The following PRKDC variants were observed in gnomAD, a reference collection of about 807,000 sequenced individuals.
PRKDC encodes the protein protein kinase, DNA-activated, catalytic subunit.
PRKDC carries 82 observed loss-of-function variants against 486.9 expected under a neutral mutation model. The observed-to-expected ratio is 0.17, with a 90% CI of 0.14 to 0.20. The LOEUF (loss-of-function observed/expected upper bound fraction) is 0.20, where lower values mean the gene tolerates loss of function less well. PRKDC is among the 10% of genes least tolerant of loss of function. The pLI is 1.00. For synonymous variants in PRKDC, 1,895 were observed against 1,837.0 expected (o/e 1.03, Z -0.81); for missense variants, 4,504 against 5,038.2 (o/e 0.89, Z 3.21).
chr8:47,930,810 G>C, intron 16 of PRKDC, 23 bp from the exon 17 acceptor site: 2 of 1,538,806 alleles, frequency 1.3e-6, no homozygotes. Context: ...TTGTAGCAAA[G>C]AAACATTGTA....
At chr8:47,899,248 A>G (rs139088903) in intron 28 of PRKDC, among the ~76,000 whole-genome samples, 4 of 152,390 alleles carry the variant, frequency 2.6e-5, no homozygotes, top group African/African-American at 7.2e-5. Flanking sequence ...AGATAAACAA[A>G]GCAAATTTAA....
chr8:47,803,515 T>TGATG (rs1563742884), intron 69 of PRKDC, 35 bp from the exon 70 acceptor site: 3 of 1,604,000 alleles, frequency 1.9e-6, no homozygotes, highest in Non-Finnish European at 2.6e-6. Flanking sequence ...GAAGGTGGTA[T>TGATG]GATGATACAC....
intron 84 of PRKDC, 72 bp from the exon 85 acceptor site, chr8:47,777,055 C>G: frequency 6.6e-7 from 1 of 1,509,542 alleles, no homozygotes; most frequent in Non-Finnish European, 8.9e-7. Context: ...CAGATTAAAT[C>G]TAGTAATGAT....
chr8:47,852,695 C>T lies in PRKDC; in HGVS notation c.6983G>A (p.Arg2328Gln), dbSNP rs369112706. The change falls in exon 52 of 86, where the codon CGA (arginine) becomes CAA (glutamine). Residue 2328 changes from arginine (R) to glutamine (Q), a missense_variant. Arg to Gln is a conservative substitution (Grantham distance 43). Transcript: ENST00000314191. ...AAAEVLGLIL[R>Q]YVMERKNILE... ...CACGTTTTTTCTCTCCATAACATAT[C>T]GAAGTATAAGTCCTAGAACTTCTGC... 1.6e-5 allele frequency: 25 copies of T among 1,572,902 alleles called. No individual in the cohort carries two copies. In the African/African-American group the frequency reaches 1.6e-4, roughly 10 times the overall value.
At chr8:47,781,234 G>A (rs574131710) in intron 80 of PRKDC, among the ~76,000 whole-genome samples, 5 of 152,320 alleles carry the variant, frequency 3.3e-5, no homozygotes, top group South Asian at 2.1e-4. Context: ...TCCAGGAAGC[G>A]TGCTCATCAG....
intron 67 of PRKDC, among the ~76,000 whole-genome samples, chr8:47,817,876 T>A (rs1360889018): frequency 1.3e-5 from 2 of 152,168 alleles, no homozygotes; most frequent in African/African-American, 2.4e-5. Context: ...TTTCATGGGG[T>A]TGAAGCAAAT....
chr8:47,956,943 A>G (rs1474745950), intron 3 of PRKDC, among the ~76,000 whole-genome samples: 2 of 148,480 alleles, frequency 1.3e-5, no homozygotes, highest in Non-Finnish European at 3.0e-5. Flanking sequence ...CTAAATCTAA[A>G]TAACTAATGG....
chr8:47,907,097 GGC>G (rs1159537767), intron 25 of PRKDC, among the ~76,000 whole-genome samples: 5 of 150,800 alleles, frequency 3.3e-5, no homozygotes, highest in East Asian at 3.9e-4. Flanking sequence ...GGAGTGCAGT[GGC>G]GCGCAGTCTC....
At position 47,913,928 on chromosome 8, in the gene PRKDC, C is replaced by A. The variant is rs748858597; in HGVS notation, c.2754G>T (p.Ala918=). ...DVFLPRVTEL[A]LTASDRQTKV... ...TAGTTTGTCTGTCACTGGCTGTGAG[C>A]GCTAATTCTGTGACTCGAGGCAGGA... The change falls in exon 24 of 86, where the codon GCG becomes GCT. Residue 918 remains alanine (A), a synonymous_variant. Coordinates refer to ENST00000314191, the MANE Select transcript of PRKDC (RefSeq NM_006904.7). 5.0e-6 allele frequency: 8 copies of A among 1,609,574 alleles called. No homozygotes were observed. The highest frequency in any genetic ancestry group is 6.8e-6 in the Non-Finnish European group (8 of 1,177,868).
intron 13 of PRKDC, among the ~76,000 whole-genome samples, 159 bp downstream of exon 13, chr8:47,935,573 G>A (rs1321460788): frequency 6.6e-6 from 1 of 151,736 alleles, no homozygotes; most frequent in East Asian, 1.9e-4. Context: ...GAGGTAATAG[G>A]ATGAAAAAAA....
At chr8:47,844,220 A>G (rs1030433006) in intron 54 of PRKDC, among the ~76,000 whole-genome samples, 1 of 152,280 alleles carries the variant, frequency 6.6e-6, no homozygotes, top group African/African-American at 2.4e-5. Context: ...ACAAAAACAG[A>G]AAATGAAAAA....
At chr8:47,928,530 C>G (rs1295653688) in intron 19 of PRKDC, among the ~76,000 whole-genome samples, 1 of 151,654 alleles carries the variant, frequency 6.6e-6, no homozygotes, top group Non-Finnish European at 1.5e-5. Flanking sequence ...TTAGCAAACA[C>G]ATTTTTATTT....
At position 47,914,055 on chromosome 8, in the gene PRKDC, G is replaced by A; in HGVS notation, c.2627C>T (p.Ser876Leu). ...CACATAGCTCTTCATCATCTCATCT[G>A]AGGACGTGACTGTTAGAAAAGATTT... ...INKNLLTVTSSDEMMKSYVAW... is the reference protein window; with the variant it reads ...INKNLLTVTSLDEMMKSYVAW... The change falls in exon 24 of 86, where the codon TCA (serine) becomes TTA (leucine). Residue 876 changes from serine (S) to leucine (L), a missense_variant. By Grantham distance (145) the Ser-to-Leu change is moderately radical. This residue lies in a region of PRKDC where 1,969 missense variants were observed against 2,068.9 expected (regional missense o/e 0.95). Coordinates refer to ENST00000314191, the MANE Select transcript of PRKDC (RefSeq NM_006904.7). The A allele has an allele frequency of 6.6e-7, 1 of 1,514,792 alleles. No homozygotes were observed. The highest frequency in any genetic ancestry group is 8.8e-7 in the Non-Finnish European group (1 of 1,130,462). 93.8% of individuals were successfully genotyped at this position (1,514,792 alleles called of 1,614,324 possible).
chr8:47,820,775 C>T lies in PRKDC; in HGVS notation c.9280G>A (p.Asp3094Asn). Residue 3094 changes from aspartate to asparagine, a missense_variant, in exon 66 of 86, where the codon GAT becomes AAT. Asp to Asn is a conservative substitution (Grantham distance 23, BLOSUM62 1). Transcript: ENST00000314191. ...QELSLLYLLQ[D>N]DVDRAKYYIQ... ...TAATATTTGGCTCTGTCAACATCAT[C>T]TTGCAGGAGGTAAAGCAGACTCAGC... 1 of 1,608,302 alleles carries T rather than the reference C, an allele frequency of 6.2e-7. No homozygotes were observed. Among genetic ancestry groups the T allele is most frequent in the Non-Finnish European group, 8.5e-7 (1 of 1,176,788 alleles).
intron 30 of PRKDC, among the ~76,000 whole-genome samples, chr8:47,895,895 C>T (rs1174566614): frequency 2.6e-5 from 4 of 151,976 alleles, no homozygotes; most frequent in Non-Finnish European, 4.4e-5. Flanking sequence ...AAAAATTAGC[C>T]GGGCGTGGTA....
intron 80 of PRKDC, chr8:47,779,317 T>C (rs955078288): frequency 2.4e-6 from 1 of 412,052 alleles, no homozygotes. Context: ...ATCCAAGCTA[T>C]TGCCTATGAA....
At chr8:47,879,834 CTTTTTTT>C (rs759336069) in intron 38 of PRKDC, among the ~76,000 whole-genome samples, 176 bp from the exon 39 acceptor site, 5 of 99,198 alleles carry the variant, frequency 5.0e-5, no homozygotes, top group African/African-American at 2.0e-4. Context: ...TATACCTCAG[CTTTTTTT>C]TTTTTTTTTT....
chr8:47,801,092 G>A, intron 70 of PRKDC, 106 bp from the exon 71 acceptor site: 1 of 1,154,028 alleles, frequency 8.7e-7, no homozygotes, highest in Non-Finnish European at 1.2e-6. Context: ...TTGTTTTTGG[G>A]ATAGGGTCTC....
At position 47,778,678 on chromosome 8, in the gene PRKDC, C is replaced by T. The variant is rs1281308347; in HGVS notation, c.11652-18G>A. 2 of 1,613,206 alleles carry T rather than the reference C, an allele frequency of 1.2e-6. No homozygotes were observed. Among genetic ancestry groups the T allele is most frequent in the East Asian group, 2.2e-5 (1 of 44,884 alleles). On this transcript the variant is annotated intron_variant, in intron 82 of 85. Coordinates refer to ENST00000314191, the MANE Select transcript of PRKDC (RefSeq NM_006904.7). Reference sequence around the variant, plus strand: ...AGGCCCGCCTACAAAAGAGACACAGCTGTGCGGCTGCTGTGATCCCACTAA... The same window carrying T: ...AGGCCCGCCTACAAAAGAGACACAGTTGTGCGGCTGCTGTGATCCCACTAA...
Sources: allele counts gnomAD v4.1 joint callset (sites outside exome capture counted in the v4.1 genomes callset), GRCh38; gene constraint gnomAD v4.1.1; regional missense constraint gnomAD v4.1.1; transcripts MANE v1.5; gene names NCBI Gene and HGNC (gene_info 2026-07-23, HGNC 2026-07-21).